Variants in PDLIM5 observed in about 807,000 individuals in gnomAD.
PDLIM5 encodes the protein PDZ and LIM domain 5.
In PDLIM5, 34 loss-of-function variants were observed where a neutral mutation model predicts 64.2. The ratio of observed to expected loss-of-function variants is 0.53; its 90% CI spans 0.40 to 0.71. PDLIM5 has a LOEUF of 0.71. Ranked by LOEUF, PDLIM5 falls within the 30% of genes least tolerant of loss-of-function variation. PDLIM5 has a pLI of 0.00. For synonymous variants in PDLIM5, 253 were observed against 269.1 expected (o/e 0.94, Z 0.59); for missense variants, 683 against 733.6 (o/e 0.93, Z 0.80).
intron 3 of PDLIM5, among the ~76,000 whole-genome samples, chr4:94,534,928 G>T (rs1731191445): frequency 6.6e-6 from 1 of 152,136 alleles, no homozygotes; most frequent in African/African-American, 2.4e-5. Context: ...GTATGGAGAT[G>T]ACAAATCCCC....
chr4:94,588,563 C>CTAAATAAATAAA (rs70946537), intron 7 of PDLIM5, among the ~76,000 whole-genome samples: 181 of 145,976 alleles, frequency 1.2e-3, no homozygotes, highest in East Asian at 1.8e-3. Flanking sequence ...AACTCCATCT[C>CTAAATAAATAAA]TAAATAAATA....
chr4:94,573,270 T>C, intron 3 of PDLIM5, 81 bp from the exon 4 acceptor site: 1 of 1,005,378 alleles, frequency 9.9e-7, no homozygotes, highest in Non-Finnish European at 1.5e-6. Flanking sequence ...TATATTATAA[T>C]AGTAAAAATT....
intron 2 of PDLIM5, among the ~76,000 whole-genome samples, chr4:94,469,286 G>T (rs1441330071): frequency 6.6e-6 from 1 of 152,210 alleles, no homozygotes; most frequent in African/African-American, 2.4e-5. Context: ...AAGGTGATGT[G>T]CCAGAGAGTA....
At chr4:94,577,318 C>T (rs1735356657) in intron 5 of PDLIM5, 6 of 456,258 alleles carry the variant, frequency 1.3e-5, no homozygotes, top group Non-Finnish European at 2.6e-5. Context: ...CTTTCTGTAG[C>T]ACTGCTGCCA....
chr4:94,611,280 C>A, intron 7 of PDLIM5: 1 of 1,218,288 alleles, frequency 8.2e-7, no homozygotes. Flanking sequence ...ACTGTATTAA[C>A]AGGCCAGGTG....
intron 7 of PDLIM5, among the ~76,000 whole-genome samples, chr4:94,589,943 T>G (rs1736552965): frequency 6.6e-6 from 1 of 151,896 alleles, no homozygotes; most frequent in South Asian, 2.1e-4. Flanking sequence ...CCAGCTAATT[T>G]TTATAGTTTT....
chr4:94,555,335 A>G (rs1381441883), intron 3 of PDLIM5, among the ~76,000 whole-genome samples: 1 of 152,228 alleles, frequency 6.6e-6, no homozygotes, highest in Non-Finnish European at 1.5e-5. Context: ...GATTACAGGC[A>G]TGAGCCACCT....
At chr4:94,566,728 C>A (rs1002788554) in intron 3 of PDLIM5, among the ~76,000 whole-genome samples, 4 of 152,158 alleles carry the variant, frequency 2.6e-5, no homozygotes, top group African/African-American at 7.2e-5. Flanking sequence ...AAGGCGGGAA[C>A]TCTGTCTCTT....
At chr4:94,514,364 G>A (rs1161701218) in intron 2 of PDLIM5, among the ~76,000 whole-genome samples, 1 of 151,930 alleles carries the variant, frequency 6.6e-6, no homozygotes, top group Non-Finnish European at 1.5e-5. Context: ...TCAATCTCCT[G>A]ACCTTGTGAT....
chr4:94,576,693 T>C, intron 5 of PDLIM5, among the ~76,000 whole-genome samples: 1 of 152,222 alleles, frequency 6.6e-6, no homozygotes, highest in Non-Finnish European at 1.5e-5. Flanking sequence ...AATGAGTAAA[T>C]TTAAGCCATT....
chr4:94,602,688 T>A (rs1168057551), intron 7 of PDLIM5, among the ~76,000 whole-genome samples: 1 of 152,116 alleles, frequency 6.6e-6, no homozygotes, highest in African/African-American at 2.4e-5. Flanking sequence ...ACTCCTGACC[T>A]CAGGTGATCC....
At chr4:94,534,215 GT>G (rs1307799880) in intron 3 of PDLIM5, among the ~76,000 whole-genome samples, 1 of 152,128 alleles carries the variant, frequency 6.6e-6, no homozygotes, top group African/African-American at 2.4e-5. Flanking sequence ...AAAAATGTGA[GT>G]TTTTTCTCTC....
intron 3 of PDLIM5, among the ~76,000 whole-genome samples, chr4:94,545,377 G>T (rs1197999484): frequency 6.6e-6 from 1 of 151,954 alleles, no homozygotes; most frequent in Non-Finnish European, 1.5e-5. Flanking sequence ...TATTTGCTTT[G>T]CCTATTTGTG....
At chr4:94,586,468 A>G (rs376620208) in intron 7 of PDLIM5, 24 bp downstream of exon 7, 6 of 1,427,312 alleles carry the variant, frequency 4.2e-6, no homozygotes, top group Non-Finnish European at 5.9e-6. Flanking sequence ...CTTTTTGACA[A>G]TTGAATGTTT....
At chr4:94,511,456 T>C (rs567559639) in intron 2 of PDLIM5, among the ~76,000 whole-genome samples, 122 of 152,330 alleles carry the variant, frequency 8.0e-4, no homozygotes, top group African/African-American at 2.8e-3. Flanking sequence ...ATTTATCCTT[T>C]GTGTTACAAA....
At chr4:94,488,841 A>G (rs1325396696) in intron 2 of PDLIM5, among the ~76,000 whole-genome samples, 1 of 152,220 alleles carries the variant, frequency 6.6e-6, no homozygotes, top group African/African-American at 2.4e-5. Context: ...TGTTTTAGTC[A>G]TCATAAAGTG....
At chr4:94,470,100 G>A (rs1201852779) in intron 2 of PDLIM5, among the ~76,000 whole-genome samples, 1 of 151,572 alleles carries the variant, frequency 6.6e-6, no homozygotes, top group African/African-American at 2.4e-5. Context: ...CCCAGTAGCC[G>A]GGAGTACAGG....
At chr4:94,460,900 A>C (rs1038710747) in intron 2 of PDLIM5, among the ~76,000 whole-genome samples, 1 of 152,198 alleles carries the variant, frequency 6.6e-6, no homozygotes, top group African/African-American at 2.4e-5. Flanking sequence ...TATTATTAAT[A>C]ATTTGGAGCC....
intron 3 of PDLIM5, among the ~76,000 whole-genome samples, chr4:94,549,489 G>A (rs530178097): frequency 7.2e-5 from 11 of 152,254 alleles, no homozygotes; most frequent in Non-Finnish European, 1.5e-4. Context: ...TATATTTGAA[G>A]TAAATTATTA....
Sources: gnomAD v4.1 joint callset for allele counts (sites outside exome capture counted in the v4.1 genomes callset) on GRCh38, gnomAD v4.1.1 for gene constraint, MANE v1.5 for transcripts, NCBI Gene and HGNC (gene_info 2026-07-23, HGNC 2026-07-21) for gene names.